Variants in NLRP12 observed in about 807,000 individuals in gnomAD.
The protein encoded by NLRP12 is NACHT, LRR and PYD domains-containing protein 12.
In NLRP12, 108 loss-of-function variants were observed where a neutral mutation model predicts 91.2. That is an observed-to-expected ratio of 1.18 (90% CI 1.01 to 1.39). The LOEUF (loss-of-function observed/expected upper bound fraction) is 1.39. NLRP12 is among the 40% of genes most tolerant of loss of function. NLRP12 has a pLI of 0.00. For missense variants in NLRP12, 1,530 were observed against 1,352.7 expected (o/e 1.13, Z -2.06); for synonymous variants, 613 against 566.7 (o/e 1.08, Z -1.16).
Position 53,805,515 on chromosome 19 carries a change from CTTTTGCTTTTTT to C in NLRP12, c.2244-77_2244-66del, listed in dbSNP as rs566559376. On this transcript the variant is annotated intron_variant, in intron 4 of 9. Transcript: ENST00000324134. ...TTGCTCCAGTTTTGTGGATTATTTT[CTTTTGCTTTTTT>C]TTTTTTTTCTGAGACAGAGTCGCTC... The C allele has an allele frequency of 6.0e-5, 81 of 1,352,248 alleles. 2 individuals carry two copies. In the South Asian group the frequency reaches 9.9e-4, roughly 17 times the overall value. The allele number at this position is 1,352,248 out of a possible 1,614,324, so 83.8% of individuals were successfully genotyped here. A position where few individuals can be genotyped will look rare whatever the true frequency, so the allele number is the denominator to read the frequency against.
chr19:53,810,441 C>T lies in NLRP12; in HGVS notation c.1218G>A (p.Val406=). The part of the protein sequence containing the change: ...PLFTMCFVPL[V]CWVVCTCLQQ... ...GGAGGCAGGTACACACCACCCAGCA[C>T]ACCAGGGGGACGAAGCACATGGTGA... The change falls in exon 3 of 10, where the codon GTG becomes GTA. Residue 406 remains valine, a synonymous_variant. Coordinates refer to ENST00000324134, the MANE Select transcript of NLRP12 (RefSeq NM_144687.4). 1 of 1,614,106 alleles carries T rather than the reference C, an allele frequency of 6.2e-7. No individual in the cohort carries two copies. Among genetic ancestry groups the T allele is most frequent in the Non-Finnish European group, 8.5e-7 (1 of 1,180,032 alleles).
intron 8 of NLRP12, among the ~76,000 whole-genome samples, chr19:53,796,437 G>A (rs2091762151): frequency 6.6e-6 from 1 of 151,598 alleles, no homozygotes. Context: ...TTAGTAGAGA[G>A]AGGGTTTCAC....
intron 9 of NLRP12, among the ~76,000 whole-genome samples, chr19:53,794,716 G>C (rs1161820235): frequency 6.7e-6 from 1 of 150,106 alleles, no homozygotes; most frequent in African/African-American, 2.5e-5. Flanking sequence ...GCCCAGGCTA[G>C]AGTGCAGTGG....
At chr19:53,809,419 T>C (rs1395091459) in intron 3 of NLRP12, among the ~76,000 whole-genome samples, 168 bp downstream of exon 3, 1 of 148,136 alleles carries the variant, frequency 6.8e-6, no homozygotes, top group Admixed American at 6.9e-5. Flanking sequence ...TAGTCCCAGC[T>C]ACTTGGGAGG....
At position 53,824,307 on chromosome 19, in the gene NLRP12, G is replaced by A. The variant is rs545761911; in HGVS notation, c.-133C>T. On this transcript the variant is annotated 5_prime_UTR_variant, in exon 1 of 10. Coordinates refer to ENST00000324134, the MANE Select transcript of NLRP12 (RefSeq NM_144687.4). ...GGGCGGAGAGGCTGAGCCAGTGGTTGGAGGAGAGAGCAAGGGAGGAAAGAC... is the reference window on the plus strand; with the variant it reads ...GGGCGGAGAGGCTGAGCCAGTGGTTAGAGGAGAGAGCAAGGGAGGAAAGAC... 3.7e-5 allele frequency: 33 copies of A among 899,688 alleles called. No homozygotes were observed. The South Asian group carries it at 4.6e-4, about 13-fold the overall frequency. 55.7% of individuals were successfully genotyped at this position (899,688 alleles called of 1,614,324 possible).
At chr19:53,808,068 A>AT (rs539654427) in intron 3 of NLRP12, 30,688 of 259,166 alleles carry the variant, frequency 0.12, 480 homozygotes, top group South Asian at 0.14. Context: ...CTATCTTTTC[A>AT]TTTTTTTTTT....
At chr19:53,823,440 T>G (rs1248834017) in intron 1 of NLRP12, among the ~76,000 whole-genome samples, 1 of 110,594 alleles carries the variant, frequency 9.0e-6, no homozygotes. Context: ...ATTTAAAATA[T>G]ATGTTTTAAA....
At chr19:53,814,799 T>G (rs1201229763) in intron 2 of NLRP12, 109 bp downstream of exon 2, 1 of 870,654 alleles carries the variant, frequency 1.1e-6, no homozygotes, top group East Asian at 2.4e-5. Flanking sequence ...ATGGTGTCAT[T>G]AATCCACCCC....
chr19:53,803,919 A>G (rs770360260), intron 6 of NLRP12, 33 bp downstream of exon 6: 3 of 1,605,804 alleles, frequency 1.9e-6, no homozygotes, highest in East Asian at 2.2e-5. Flanking sequence ...GAGATTTGCC[A>G]TTTTATTATA....
Position 53,809,957 on chromosome 19 carries a change from T to C in NLRP12, c.1702A>G (p.Asn568Asp). ...TCCAGGTGGCTCCTGGTCTCCTCGT[T>C]CAGGAGTCCAAACAGGAAGCGGCTG... ...LTSRFLFGLLNEETRSHLEKS... is the reference protein window; with the variant it reads ...LTSRFLFGLLDEETRSHLEKS... Residue 568 changes from asparagine (N) to aspartate (D), a missense_variant, in exon 3 of 10, where the codon AAC becomes GAC. Coordinates refer to ENST00000324134, the MANE Select transcript of NLRP12 (RefSeq NM_144687.4). 1 of 1,614,060 alleles carries C rather than the reference T, an allele frequency of 6.2e-7. No homozygotes were observed. Among genetic ancestry groups the C allele is most frequent in the Non-Finnish European group, 8.5e-7 (1 of 1,180,022 alleles).
Position 53,810,628 on chromosome 19 carries a change from G to C in NLRP12, c.1031C>G (p.Pro344Arg). Residue 344 changes from proline to arginine, a missense_variant, in exon 3 of 10, where the codon CCC (proline) becomes CGC (arginine). Physicochemically the swap from Pro to Arg is moderately radical, Grantham distance 103. Transcript: ENST00000324134. ...PELSLLITTR[P>R]TALEKLHRLL... ...ACGGTGGAGCTTCTCCAAAGCCGTG[G>C]GCCGTGTGGTGATGAGCAAAGATAG... 1 of 1,614,052 alleles carries C rather than the reference G, an allele frequency of 6.2e-7. No homozygotes were observed. Among genetic ancestry groups the C allele is most frequent in the Non-Finnish European group, 8.5e-7 (1 of 1,180,022 alleles).
At chr19:53,795,103 TGTGC>T (rs1412952528) in intron 9 of NLRP12, among the ~76,000 whole-genome samples, 130 of 40,676 alleles carry the variant, frequency 3.2e-3, no homozygotes, top group African/African-American at 0.012. Flanking sequence ...ATACCTGGTG[TGTGC>T]GTGTGTGTGT....
chr19:53,803,692 G>A, intron 6 of NLRP12: 1 of 436,916 alleles, frequency 2.3e-6, no homozygotes, highest in South Asian at 2.0e-5. Context: ...TCCTGCCTCA[G>A]CCCCCTGAGT....
intron 2 of NLRP12, among the ~76,000 whole-genome samples, chr19:53,811,523 T>A (rs543330588): frequency 4.0e-4 from 60 of 151,072 alleles, no homozygotes; most frequent in South Asian, 1.3e-3. Flanking sequence ...CAAAAAAAAA[T>A]TTTTTTTAAT....
At chr19:53,803,474 C>G (rs1381791857) in intron 6 of NLRP12, among the ~76,000 whole-genome samples, 3 of 151,662 alleles carry the variant, frequency 2.0e-5, no homozygotes, top group Admixed American at 2.0e-4. Flanking sequence ...ACTACCGCAC[C>G]CGGCCCATCT....
intron 1 of NLRP12, among the ~76,000 whole-genome samples, chr19:53,822,517 G>C (rs1194270820): frequency 2.0e-5 from 3 of 151,878 alleles, no homozygotes; most frequent in Admixed American, 6.6e-5. Context: ...TGGATCACGA[G>C]GTCAGAAGTT....
intron 1 of NLRP12, among the ~76,000 whole-genome samples, chr19:53,820,937 A>G (rs2092256217): frequency 6.6e-6 from 1 of 150,598 alleles, no homozygotes; most frequent in Non-Finnish European, 1.5e-5. Flanking sequence ...AATAGCCTAT[A>G]TTTGCTGAGC....
intron 1 of NLRP12, among the ~76,000 whole-genome samples, chr19:53,817,002 T>G (rs2092170109): frequency 1.1e-4 from 1 of 9,042 alleles, no homozygotes; most frequent in African/African-American, 5.2e-4. Flanking sequence ...TTAAAAATGG[T>G]TAAGAGGGCC....
chr19:53,821,785 C>T (rs1287643127), intron 1 of NLRP12, among the ~76,000 whole-genome samples: 1 of 152,078 alleles, frequency 6.6e-6, no homozygotes, highest in Admixed American at 6.6e-5. Flanking sequence ...GGAGTAAATA[C>T]TTTACTTTAG....
Sources: gnomAD v4.1 joint callset for allele counts (sites outside exome capture counted in the v4.1 genomes callset) on GRCh38, gnomAD v4.1.1 for gene constraint, MANE v1.5 for transcripts, NCBI Gene and HGNC (gene_info 2026-07-23, HGNC 2026-07-21) for gene names.